Variants in SCRN1 observed in about 807,000 individuals in gnomAD.
SCRN1 encodes the protein secernin-1.
In SCRN1, 19 loss-of-function variants were observed where a neutral mutation model predicts 43.3. The observed-to-expected ratio is 0.44, with a 90% CI of 0.31 to 0.64. SCRN1 has a LOEUF of 0.64. Ranked by LOEUF, SCRN1 falls within the 30% of genes least tolerant of loss-of-function variation. The pLI, the probability that SCRN1 is intolerant of heterozygous loss-of-function variation, is 0.09. For missense variants in SCRN1, 447 were observed against 524.1 expected (o/e 0.85, Z 1.44); for synonymous variants, 183 against 188.9 (o/e 0.97, Z 0.26).
At chr7:29,941,396 G>GT (rs531774085) in intron 4 of SCRN1, among the ~76,000 whole-genome samples, 183 of 151,774 alleles carry the variant, frequency 1.2e-3, no homozygotes, top group Middle Eastern at 6.8e-3. Context: ...AATCTATATG[G>GT]TTTTTTTTAA....
At chr7:29,925,565 C>T (rs543450417) in intron 7 of SCRN1, among the ~76,000 whole-genome samples, 2 of 152,146 alleles carry the variant, frequency 1.3e-5, no homozygotes, top group African/African-American at 2.4e-5. Context: ...ATATAAAGTC[C>T]ATCGGGGTGG....
intron 3 of SCRN1, among the ~76,000 whole-genome samples, chr7:29,952,752 G>C (rs988964584): frequency 3.9e-5 from 6 of 152,038 alleles, no homozygotes; most frequent in African/African-American, 1.4e-4. Flanking sequence ...GGATTTGGTT[G>C]GTATGAAATG....
intron 1 of SCRN1, among the ~76,000 whole-genome samples, chr7:29,982,298 T>C (rs1789012857): frequency 1.3e-5 from 2 of 152,290 alleles, no homozygotes; most frequent in African/African-American, 4.8e-5. Flanking sequence ...TACATATACA[T>C]ATATGTGTGT....
At chr7:29,978,246 A>G (rs1299309748) in intron 1 of SCRN1, among the ~76,000 whole-genome samples, 1 of 152,220 alleles carries the variant, frequency 6.6e-6, no homozygotes, top group Non-Finnish European at 1.5e-5. Flanking sequence ...AGAAATCTGA[A>G]TTAGCAGCTA....
chr7:29,931,040 T>A (rs916428275), intron 6 of SCRN1, among the ~76,000 whole-genome samples: 2 of 152,170 alleles, frequency 1.3e-5, no homozygotes, highest in Non-Finnish European at 2.9e-5. Context: ...ATTGCAGAGA[T>A]CTGCAGAATT....
chr7:29,947,079 A>T (rs1787759487), intron 3 of SCRN1: 2 of 1,260,346 alleles, frequency 1.6e-6, no homozygotes, highest in African/African-American at 3.0e-5. Flanking sequence ...CCTGGGCAGG[A>T]CCAGGACAGG....
intron 6 of SCRN1, among the ~76,000 whole-genome samples, chr7:29,926,852 T>G (rs997227299): frequency 1.3e-5 from 2 of 152,082 alleles, no homozygotes; most frequent in Non-Finnish European, 2.9e-5. Context: ...ATTCCTCTAC[T>G]TACAGCAAAG....
intron 1 of SCRN1, among the ~76,000 whole-genome samples, chr7:29,979,084 G>A (rs567732182): frequency 1.8e-3 from 268 of 152,140 alleles, no homozygotes; most frequent in African/African-American, 5.8e-3. Context: ...AAAATTTTCC[G>A]CCGGGTGTGG....
At chr7:29,957,237 G>A (rs1673523619) in intron 2 of SCRN1, among the ~76,000 whole-genome samples, 1 of 152,230 alleles carries the variant, frequency 6.6e-6, no homozygotes, top group African/African-American at 2.4e-5. Flanking sequence ...AATGCTGCAA[G>A]CAGAAAATCA....
At position 29,921,523 on chromosome 7, in the gene SCRN1, C is replaced by T. The variant is rs1422499829; in HGVS notation, c.*2434G>A. The T allele has an allele frequency of 1.3e-5, 2 of 152,236 alleles. No individual in the cohort carries two copies. The highest frequency in any genetic ancestry group is 2.9e-5 in the Non-Finnish European group (2 of 68,068). 9.4% of individuals were successfully genotyped at this position (152,236 alleles called of 1,614,324 possible). A position where few individuals can be genotyped will look rare whatever the true frequency, so the allele number is the denominator to read the frequency against. On this transcript the variant is annotated 3_prime_UTR_variant, in exon 8 of 8. Transcript: ENST00000242059. ...TCTTGTCGTCTTTCTCCACCCATCC[C>T]AATGCACAACTGTCAACTGTGCTTA...
At chr7:29,932,628 G>A (rs1331004513) in intron 6 of SCRN1, among the ~76,000 whole-genome samples, 1 of 120,650 alleles carries the variant, frequency 8.3e-6, no homozygotes. Context: ...CTCCAGCCTA[G>A]GTAACAGAGT....
intron 6 of SCRN1, among the ~76,000 whole-genome samples, chr7:29,931,995 A>C (rs74356152): frequency 0.02 from 3,112 of 152,318 alleles, 38 homozygotes; most frequent in South Asian, 0.055. Flanking sequence ...AACAAACAAA[A>C]AAAAACTTTT....
chr7:29,956,152 C>T (rs770871322), intron 2 of SCRN1, among the ~76,000 whole-genome samples: 8 of 152,230 alleles, frequency 5.3e-5, no homozygotes, highest in Non-Finnish European at 1.0e-4. Flanking sequence ...CTTCTTCACA[C>T]GAACTCTTAC....
At chr7:29,966,161 G>GAGAGAGAGAA (rs1788485419) in intron 2 of SCRN1, among the ~76,000 whole-genome samples, 4 of 92,300 alleles carry the variant, frequency 4.3e-5, no homozygotes, top group African/African-American at 1.7e-4. Context: ...CCGAGAGACA[G>GAGAGAGAGAA]AGAGAGAGAG....
intron 1 of SCRN1, among the ~76,000 whole-genome samples, chr7:29,973,109 G>C (rs1485283098): frequency 6.6e-6 from 1 of 152,174 alleles, no homozygotes; most frequent in Non-Finnish European, 1.5e-5. Context: ...GCAAAGAGGA[G>C]GTGGGACACT....
intron 3 of SCRN1, among the ~76,000 whole-genome samples, chr7:29,951,222 A>G (rs893684863): frequency 2.0e-5 from 3 of 152,234 alleles, no homozygotes; most frequent in African/African-American, 7.2e-5. Flanking sequence ...GCAGCCTCGC[A>G]CAGAGCTAGT....
At chr7:29,989,393 C>T (rs1446429130) in intron 1 of SCRN1, among the ~76,000 whole-genome samples, 1 of 152,136 alleles carries the variant, frequency 6.6e-6, no homozygotes, top group African/African-American at 2.4e-5. Flanking sequence ...GGCCGGCATC[C>T]CTCCACTGCA....
rs185428586 is a variant in SCRN1, at chr7:29,971,852, T to C, written c.-1-2784A>G. On this transcript the variant is annotated intron_variant, in intron 1 of 7. Transcript: ENST00000242059. ...AATCTACTTCAGGTTAATTTCTACA[T>C]GCACACTCAGAGTTCTTCCCTGCAT... is the stretch of plus-strand genomic sequence containing the variant. Among the ~76,000 whole-genome samples, 8 of 152,284 alleles carry C rather than the reference T, an allele frequency of 5.3e-5. No individual in the cohort carries two copies. In the East Asian group the frequency reaches 1.5e-3, roughly 29 times the overall value.
chr7:29,963,012 G>C (rs998953320), intron 2 of SCRN1, among the ~76,000 whole-genome samples: 2 of 151,344 alleles, frequency 1.3e-5, no homozygotes, highest in South Asian at 2.1e-4. Flanking sequence ...ACTGAGACCC[G>C]GAGTCACAGC....
Sources: gnomAD v4.1 joint callset for allele counts (sites outside exome capture counted in the v4.1 genomes callset) on GRCh38, gnomAD v4.1.1 for gene constraint, MANE v1.5 for transcripts, NCBI Gene and HGNC (gene_info 2026-07-23, HGNC 2026-07-21) for gene names.